The following PID1 variants were observed in gnomAD, a reference collection of about 807,000 sequenced individuals.
The protein encoded by PID1 is PTB-containing, cubilin and LRP1-interacting protein.
In PID1, 10 loss-of-function variants were observed where a neutral mutation model predicts 19.1. That is an observed-to-expected ratio of 0.52 (90% confidence interval 0.32 to 0.89). The LOEUF (loss-of-function observed/expected upper bound fraction) is 0.89. Among genes scored for constraint, PID1 ranks in the 40% least tolerant of loss-of-function variants. The pLI is 0.03. For missense variants in PID1, 248 were observed against 285.3 expected (o/e 0.87, Z 0.94); for synonymous variants, 130 against 116.0 (o/e 1.12, Z -0.78).
intron 2 of PID1, among the ~76,000 whole-genome samples, chr2:229,119,579 C>A (rs911127293): frequency 6.6e-6 from 1 of 152,166 alleles, no homozygotes; most frequent in Non-Finnish European, 1.5e-5. Context: ...AATACCTTTA[C>A]AGGCTACTTG....
intron 2 of PID1, among the ~76,000 whole-genome samples, chr2:229,092,465 C>T (rs541386416): frequency 5.3e-5 from 8 of 152,226 alleles, no homozygotes; most frequent in South Asian, 2.1e-4. Context: ...AAAAGAGAGC[C>T]GCTATGGTGC....
intron 2 of PID1, among the ~76,000 whole-genome samples, chr2:229,121,148 C>T (rs753487307): frequency 6.6e-6 from 1 of 152,008 alleles, no homozygotes; most frequent in Non-Finnish European, 1.5e-5. Context: ...GTTATAAGTC[C>T]TATTGGTTCT....
chr2:229,131,441 G>C (rs1249646119), intron 2 of PID1, among the ~76,000 whole-genome samples: 1 of 152,106 alleles, frequency 6.6e-6, no homozygotes, highest in Non-Finnish European at 1.5e-5. Context: ...ACATTGGCCA[G>C]GCAGGTGTCA....
chr2:229,154,126 G>T (rs1365461727), intron 2 of PID1, among the ~76,000 whole-genome samples: 3 of 152,182 alleles, frequency 2.0e-5, no homozygotes, highest in African/African-American at 4.8e-5. Context: ...GAAGTTGGAA[G>T]TTCTCCTTAT....
chr2:229,266,483 T>C (rs1690594663), intron 1 of PID1, among the ~76,000 whole-genome samples: 1 of 152,194 alleles, frequency 6.6e-6, no homozygotes, highest in South Asian at 2.1e-4. Flanking sequence ...AACCCACTGC[T>C]TCAGCAAGAA....
intron 2 of PID1, among the ~76,000 whole-genome samples, chr2:229,150,928 A>G (rs1690238522): frequency 6.6e-6 from 1 of 150,672 alleles, no homozygotes; most frequent in Non-Finnish European, 1.5e-5. Context: ...TGATATTTTT[A>G]GTACTTTCCT....
At chr2:229,140,299 T>C (rs750112367) in intron 2 of PID1, among the ~76,000 whole-genome samples, 1 of 152,100 alleles carries the variant, frequency 6.6e-6, no homozygotes, top group Non-Finnish European at 1.5e-5. Context: ...ATTAGAAGTA[T>C]CCTAAGGGAG....
At chr2:229,171,507 C>A (rs1690711774) in intron 1 of PID1, among the ~76,000 whole-genome samples, 1 of 152,204 alleles carries the variant, frequency 6.6e-6, no homozygotes, top group Non-Finnish European at 1.5e-5. Context: ...ATCATCATAT[C>A]TAGAAAGGCT....
intron 1 of PID1, among the ~76,000 whole-genome samples, chr2:229,219,677 C>T (rs1691923108): frequency 6.6e-6 from 1 of 151,502 alleles, no homozygotes; most frequent in South Asian, 2.1e-4. Flanking sequence ...AGGAGGACTA[C>T]AGGTGTACAC....
At chr2:229,131,031 C>T (rs946395500) in intron 2 of PID1, among the ~76,000 whole-genome samples, 6 of 152,098 alleles carry the variant, frequency 3.9e-5, no homozygotes, top group African/African-American at 1.4e-4. Flanking sequence ...GGATCAAGGT[C>T]GCTCCCTACT....
intron 2 of PID1, among the ~76,000 whole-genome samples, chr2:229,123,174 C>T (rs1029251779): frequency 5.9e-5 from 9 of 152,146 alleles, no homozygotes; most frequent in Non-Finnish European, 1.2e-4. Context: ...GCAACTCCAT[C>T]CTACCACCAG....
At chr2:229,117,847 G>C (rs570100193) in intron 2 of PID1, among the ~76,000 whole-genome samples, 2 of 152,232 alleles carry the variant, frequency 1.3e-5, no homozygotes, top group South Asian at 4.1e-4. Context: ...TCTTAGCTAA[G>C]GAGTCCTTTT....
intron 1 of PID1, among the ~76,000 whole-genome samples, chr2:229,241,875 TCAC>T (rs1161800569): frequency 6.6e-6 from 1 of 152,150 alleles, no homozygotes; most frequent in East Asian, 1.9e-4. Flanking sequence ...GCTCCCATCT[TCAC>T]CACTTTTGAC....
intron 1 of PID1, among the ~76,000 whole-genome samples, chr2:229,267,955 G>C (rs1014230618): frequency 6.6e-6 from 1 of 152,002 alleles, no homozygotes; most frequent in Admixed American, 6.5e-5. Context: ...CTGTGCAGAC[G>C]GGAAGGTGAA....
intron 2 of PID1, among the ~76,000 whole-genome samples, chr2:229,131,499 G>A (rs1330970275): frequency 6.6e-6 from 1 of 152,150 alleles, no homozygotes; most frequent in African/African-American, 2.4e-5. Flanking sequence ...CCGAAGTGCT[G>A]GGATTACAAG....
chr2:229,141,843 C>T (rs1690018763), intron 2 of PID1, among the ~76,000 whole-genome samples: 1 of 151,614 alleles, frequency 6.6e-6, no homozygotes, highest in Admixed American at 6.6e-5. Context: ...CGCACAGAAG[C>T]CCAGACATCA....
chr2:229,234,087 A>G (rs1292233737), intron 1 of PID1, among the ~76,000 whole-genome samples: 1 of 152,202 alleles, frequency 6.6e-6, no homozygotes, highest in East Asian at 1.9e-4. Flanking sequence ...CATGTTGACC[A>G]GAGTAGCCAG....
intron 2 of PID1, among the ~76,000 whole-genome samples, chr2:229,105,608 T>C (rs916041505): frequency 6.6e-6 from 1 of 152,212 alleles, no homozygotes; most frequent in Non-Finnish European, 1.5e-5. Context: ...AACTCTCATG[T>C]GTACAGTACC....
intron 1 of PID1, among the ~76,000 whole-genome samples, chr2:229,256,324 C>T (rs1359649144): frequency 1.3e-5 from 2 of 152,118 alleles, no homozygotes; most frequent in Non-Finnish European, 2.9e-5. Context: ...CTCTAATTTT[C>T]GAACCCTGGA....
Sources: gnomAD v4.1 joint callset for allele counts (sites outside exome capture counted in the v4.1 genomes callset) on GRCh38, gnomAD v4.1.1 for gene constraint, MANE v1.5 for transcripts, NCBI Gene and HGNC (gene_info 2026-07-23, HGNC 2026-07-21) for gene names.